MAD2L1BP: variants seen among roughly 807,000 people sequenced by gnomAD.
The protein encoded by MAD2L1BP is MAD2L1-binding protein.
In MAD2L1BP, 22 loss-of-function variants were observed where a neutral mutation model predicts 28.4. That is an observed-to-expected ratio of 0.77 (90% CI 0.55 to 1.10). The LOEUF is 1.10. Ranked by LOEUF, MAD2L1BP falls within the 50% of genes least tolerant of loss-of-function variation. MAD2L1BP has a pLI of 0.00. For missense variants in MAD2L1BP, 325 were observed against 350.5 expected, an observed-to-expected ratio of 0.93 and a Z score of 0.58; for synonymous variants, 146 against 133.7, an observed-to-expected ratio of 1.09 and a Z score of -0.63.
At chr6:43,639,960 T>G in intron 2 of MAD2L1BP, 61 bp from the exon 3 acceptor site, 4 of 1,467,162 alleles carry the variant, frequency 2.7e-6, no homozygotes, top group Non-Finnish European at 3.6e-6. Context: ...AGGGTTCTTT[T>G]CAAAGAGCAT....
At chr6:43,629,578 G>C in exon 1 of MAD2L1BP, 1 of 712,218 alleles carries the variant, frequency 1.4e-6, no homozygotes, top group African/African-American at 1.8e-5. Context: ...GTGGGGACGC[G>C]AGGACACCAG....
Position 43,636,643 on chromosome 6 carries a change from C to T in MAD2L1BP, c.309C>T (p.Pro103=), listed in dbSNP as rs758584535. The change falls in exon 2 of 3, where the codon CCC becomes CCT. Residue 103 remains proline (P), a synonymous_variant. Coordinates refer to ENST00000372171, the MANE Select transcript of MAD2L1BP (RefSeq NM_014628.3). ...AGCACTTTTACCGAAAACCTTCTCC[C>T]CAGGTAGGCACAGGCTTTGGGAGCA... ...QLKHFYRKPS[P]QAEEMLKKKP... is the part of the protein sequence containing the mutation. The T allele has an allele frequency of 1.3e-5, 21 of 1,611,792 alleles. No homozygotes were observed. In the South Asian group the frequency reaches 2.0e-4, roughly 15 times the overall value.
rs747507442 is a variant in MAD2L1BP, at chr6:43,640,562, A to G, written c.*29A>G. The G allele has an allele frequency of 2.0e-6, 3 of 1,529,936 alleles. No homozygotes were observed. The highest frequency in any genetic ancestry group is 2.1e-5 in the Admixed American group (1 of 48,450). The allele number at this position is 1,529,936 out of a possible 1,614,324, so 94.8% of individuals were successfully genotyped here. A position where few individuals can be genotyped will look rare whatever the true frequency, so the allele number is the denominator to read the frequency against. On this transcript the variant is annotated 3_prime_UTR_variant, in exon 3 of 3. Coordinates refer to ENST00000372171, the MANE Select transcript of MAD2L1BP (RefSeq NM_014628.3). ...AGTGCTTCTTAATCCTAAAAACACA[A>G]TGGCTGAATTATCTTTCTCCATGTG...
In MAD2L1BP at chr6:43,640,265, G is replaced by T. The variant is rs200243955; in HGVS notation, c.557G>T (p.Cys186Phe). Residue 186 changes from cysteine to phenylalanine, a missense_variant, in exon 3 of 3, where the codon TGT (cysteine) becomes TTT (phenylalanine). Transcript: ENST00000372171. ...GACCAGAGCCTGAGCACAGCAGCTT[G>T]TTTGCGCCGTCTCTTCCGAGCCATA... ...SVDQSLSTAA[C>F]LRRLFRAIFM... The T allele has an allele frequency of 1.2e-6, 2 of 1,613,504 alleles. No individual in the cohort carries two copies. The highest frequency in any genetic ancestry group is 1.7e-6 in the Non-Finnish European group (2 of 1,179,868).
At chr6:43,629,728 C>T in exon 1 of MAD2L1BP, 1 of 1,551,752 alleles carries the variant, frequency 6.4e-7, no homozygotes. Flanking sequence ...CTGGCTCCGC[C>T]TCTGCCTCAG....
intron 1 of MAD2L1BP, among the ~76,000 whole-genome samples, chr6:43,630,638 G>A (rs1220985562): frequency 6.6e-6 from 1 of 151,880 alleles, no homozygotes. Context: ...GGCTGCTCGC[G>A]AGGCTGAGGC....
Position 43,636,430 on chromosome 6 carries a change from A to G in MAD2L1BP, c.96A>G (p.Glu32=), listed in dbSNP as rs35679149. 36,285 of 1,614,118 alleles carry G rather than the reference A, an allele frequency of 0.022. 447 individuals carry two copies. The highest frequency in any genetic ancestry group is 0.027 in the Non-Finnish European group (31,384 of 1,179,994). ...AAGAAACTCACGCCTCCCAGATAGA[A>G]CTACTTGAGACAAGCTCTACGCAGG... The part of the protein sequence containing the change: ...KSEETHASQI[E]LLETSSTQEP... The change falls in exon 2 of 3, where the codon GAA becomes GAG. Residue 32 remains glutamate (E), a synonymous_variant. Transcript: ENST00000372171.
intron 1 of MAD2L1BP, chr6:43,629,786 G>T: frequency 6.4e-7 from 1 of 1,563,978 alleles, no homozygotes; most frequent in Non-Finnish European, 8.7e-7. Context: ...CAGGGCGAAC[G>T]CCAGGGCGGA....
Position 43,640,407 on chromosome 6 carries a change from A to G in MAD2L1BP, c.699A>G (p.Arg233=), listed in dbSNP as rs1446383186. 3 of 1,613,824 alleles carry G rather than the reference A, an allele frequency of 1.9e-6. No homozygotes were observed. In the African/African-American group the frequency reaches 4.0e-5, roughly 22 times the overall value. The part of the protein sequence containing the change: ...EDWFRPKLNY[R]VPSRGHKLTV... ...GGTTTCGACCCAAGCTCAACTATCG[A>G]GTGCCCAGCCGGGGCCATAAACTGA... Residue 233 remains arginine (R), a synonymous_variant, in exon 3 of 3, where the codon CGA becomes CGG. Transcript: ENST00000372171.
upstream of MAD2L1BP, chr6:43,633,362 G>C: frequency 3.2e-6 from 1 of 310,850 alleles, no homozygotes; most frequent in Non-Finnish European, 6.3e-6. Context: ...AGTAGAGACG[G>C]GGTTTCTCCA....
upstream of MAD2L1BP, among the ~76,000 whole-genome samples, chr6:43,632,662 C>CTTTTTT (rs775956301): frequency 1.0e-4 from 11 of 107,362 alleles, no homozygotes; most frequent in Admixed American, 1.9e-4. Context: ...TGACACTTGT[C>CTTTTTT]TTTTTTTTTT....
intron 1 of MAD2L1BP, 134 bp downstream of exon 1, chr6:43,636,055 T>G: frequency 1.1e-6 from 1 of 916,270 alleles, no homozygotes; most frequent in East Asian, 2.6e-5. Flanking sequence ...TACACGGCTC[T>G]GGCTGTGACT....
intron 2 of MAD2L1BP, chr6:43,636,886 T>C (rs573484338): frequency 1.9e-6 from 1 of 528,206 alleles, no homozygotes; most frequent in South Asian, 2.2e-5. Flanking sequence ...TCTTTGCATT[T>C]TTTTCTTTTG....
chr6:43,636,305 G>T (rs897502751), intron 1 of MAD2L1BP, 76 bp from the exon 2 acceptor site: 15 of 1,505,960 alleles, frequency 1.0e-5, no homozygotes, highest in Non-Finnish European at 1.4e-5. Flanking sequence ...CTGGTTTGTC[G>T]GCCACAGGGA....
intron 2 of MAD2L1BP, among the ~76,000 whole-genome samples, chr6:43,638,651 C>T (rs915237249): frequency 2.6e-5 from 4 of 151,974 alleles, no homozygotes; most frequent in African/African-American, 9.6e-5. Flanking sequence ...AAAAAATTAG[C>T]CGGGCGTGGT....
At chr6:43,630,357 C>T (rs1404185850) in intron 1 of MAD2L1BP, among the ~76,000 whole-genome samples, 2 of 152,178 alleles carry the variant, frequency 1.3e-5, no homozygotes, top group African/African-American at 2.4e-5. Context: ...AATTCACAGC[C>T]GCATGGCTGT....
exon 1 of MAD2L1BP, chr6:43,629,667 G>A: frequency 1.4e-6 from 2 of 1,446,262 alleles, no homozygotes; most frequent in East Asian, 2.5e-5. Context: ...TAGACAACAG[G>A]TTTTGGACCT....
chr6:43,635,833 G>C, upstream of MAD2L1BP: 2 of 1,442,786 alleles, frequency 1.4e-6, no homozygotes, highest in Non-Finnish European at 1.8e-6. Context: ...TGCCCCGCGA[G>C]ACCTTTATTC....
In MAD2L1BP at chr6:43,635,891, G is replaced by A. The variant is rs1185103370; in HGVS notation, c.16G>A (p.Ala6Thr). ...GGAGGTCGTGATGGCGGCGCCGGAG[G>A]CGGAGGTTCTGTCCTCAGCCGCAGT... MAAPE[A>T]EVLSSAAVPD... Residue 6 changes from alanine (A) to threonine (T), a missense_variant, in exon 1 of 3, where the codon GCG becomes ACG. Transcript: ENST00000372171. 3.4e-6 allele frequency: 5 copies of A among 1,480,904 alleles called. No homozygotes were observed. Among genetic ancestry groups the A allele is most frequent in the African/African-American group, 1.5e-5 (1 of 67,278 alleles). 91.7% of individuals were successfully genotyped at this position (1,480,904 alleles called of 1,614,324 possible).
Sources: allele counts gnomAD v4.1 joint callset (sites outside exome capture counted in the v4.1 genomes callset), GRCh38; gene constraint gnomAD v4.1.1; transcripts MANE v1.5; gene names NCBI Gene and HGNC (gene_info 2026-07-23, HGNC 2026-07-21).